Variants in NME7 observed in about 807,000 individuals in gnomAD.
NME7 encodes the protein NME/NM23 family member 7.
A neutral mutation model predicts 49.1 loss-of-function variants in NME7; 41 were observed. That is an observed-to-expected ratio of 0.83 (90% confidence interval 0.65 to 1.08). The LOEUF (loss-of-function observed/expected upper bound fraction) is 1.08. Among genes scored for constraint, NME7 ranks in the 50% least tolerant of loss-of-function variants. NME7 has a pLI of 0.00. For synonymous variants in NME7, 139 were observed against 150.6 expected, an observed-to-expected ratio of 0.92 and a Z score of 0.56; for missense variants, 423 against 463.4, an observed-to-expected ratio of 0.91 and a Z score of 0.80.
chr1:169,145,131 G>A (rs1557960700), intron 11 of NME7, among the ~76,000 whole-genome samples: 1 of 152,060 alleles, frequency 6.6e-6, no homozygotes, highest in Non-Finnish European at 1.5e-5. Context: ...CAAGTTAATG[G>A]GTAATGAGAA....
At chr1:169,239,846 C>T (rs1215787965) in intron 7 of NME7, among the ~76,000 whole-genome samples, 1 of 151,914 alleles carries the variant, frequency 6.6e-6, no homozygotes, top group Admixed American at 6.6e-5. Flanking sequence ...GTATCTTCAT[C>T]TTACTGAATA....
intron 10 of NME7, among the ~76,000 whole-genome samples, chr1:169,213,798 G>T (rs1330376160): frequency 2.7e-5 from 4 of 149,686 alleles, no homozygotes; most frequent in Non-Finnish European, 4.4e-5. Flanking sequence ...CAATAATCTT[G>T]GGAAAAAATA....
intron 10 of NME7, among the ~76,000 whole-genome samples, chr1:169,200,960 A>G (rs1374856421): frequency 1.3e-5 from 2 of 152,128 alleles, no homozygotes; most frequent in African/African-American, 4.8e-5. Context: ...CCTGGGTGCC[A>G]TGGCTCACAT....
At chr1:169,168,138 G>A (rs2101842052) in intron 11 of NME7, among the ~76,000 whole-genome samples, 2 of 152,308 alleles carry the variant, frequency 1.3e-5, no homozygotes, top group Middle Eastern at 3.4e-3. Context: ...GCAAGACCCT[G>A]GAGGTATGCC....
chr1:169,290,322 G>C (rs995610959), intron 6 of NME7, among the ~76,000 whole-genome samples: 1 of 151,976 alleles, frequency 6.6e-6, no homozygotes, highest in African/African-American at 2.4e-5. Context: ...AAACAGTATA[G>C]ATCAATGGAA....
chr1:169,229,792 C>T (rs1647519615), intron 10 of NME7, among the ~76,000 whole-genome samples: 1 of 152,032 alleles, frequency 6.6e-6, no homozygotes, highest in South Asian at 2.1e-4. Context: ...AAAACCCTGT[C>T]TCTACTAAAA....
At chr1:169,139,074 C>G (rs139606641) in intron 11 of NME7, among the ~76,000 whole-genome samples, 1 of 152,140 alleles carries the variant, frequency 6.6e-6, no homozygotes, top group African/African-American at 2.4e-5. Flanking sequence ...CTCCTCCCTA[C>G]CTGTAATGAT....
chr1:169,359,598 C>T (rs1653588118), intron 1 of NME7, among the ~76,000 whole-genome samples: 1 of 151,838 alleles, frequency 6.6e-6, no homozygotes, highest in African/African-American at 2.4e-5. Context: ...TATATTTTCT[C>T]ATTTCTAAAA....
intron 11 of NME7, among the ~76,000 whole-genome samples, chr1:169,167,286 A>G (rs1447667555): frequency 2.4e-4 from 36 of 152,182 alleles, no homozygotes; most frequent in Admixed American, 2.4e-3. Context: ...GAACATTTCA[A>G]TGTATGAAAA....
intron 11 of NME7, among the ~76,000 whole-genome samples, chr1:169,146,809 A>G (rs1379899875): frequency 6.6e-6 from 1 of 152,236 alleles, no homozygotes; most frequent in East Asian, 1.9e-4. Context: ...GGTGAACTAC[A>G]CAGAAACAAA....
intron 1 of NME7, among the ~76,000 whole-genome samples, chr1:169,330,043 T>C (rs181178919): frequency 2.0e-5 from 3 of 152,248 alleles, no homozygotes; most frequent in African/African-American, 7.2e-5. Context: ...ATTACATATT[T>C]AAAGTGGTGA....
At chr1:169,317,266 G>A (rs1234940788) in intron 3 of NME7, among the ~76,000 whole-genome samples, 2 of 152,336 alleles carry the variant, frequency 1.3e-5, no homozygotes, top group East Asian at 3.9e-4. Flanking sequence ...AGCTGGAGCT[G>A]AAAAGGAAAT....
intron 1 of NME7, among the ~76,000 whole-genome samples, chr1:169,342,946 T>A (rs1190869638): frequency 6.4e-5 from 2 of 31,180 alleles, no homozygotes; most frequent in African/African-American, 2.0e-4. Flanking sequence ...TATATATACT[T>A]GTATTAGTAT....
At chr1:169,334,467 A>T (rs1388367903) in intron 1 of NME7, among the ~76,000 whole-genome samples, 1 of 152,204 alleles carries the variant, frequency 6.6e-6, no homozygotes, top group Non-Finnish European at 1.5e-5. Flanking sequence ...TGGGGAAAGG[A>T]TCTCCTATTC....
chr1:169,306,824 G>A (rs1651189930), intron 4 of NME7, among the ~76,000 whole-genome samples: 1 of 152,122 alleles, frequency 6.6e-6, no homozygotes, highest in South Asian at 2.1e-4. Context: ...AGACTAGCCT[G>A]GGCAACAAAG....
chr1:169,297,079 T>C (rs1460453404), intron 6 of NME7, among the ~76,000 whole-genome samples: 2 of 151,984 alleles, frequency 1.3e-5, no homozygotes, highest in African/African-American at 2.4e-5. Flanking sequence ...GTTCAAGCAA[T>C]TCTCCCACCT....
rs1648909309 is a variant in NME7, at chr1:169,255,921, G to T, written c.755-18234C>A. 1.5e-5 allele frequency among the ~76,000 whole-genome samples: 2 copies of T among 133,478 alleles called. 1 individual carries two copies. The highest frequency in any genetic ancestry group is 3.5e-5 in the Non-Finnish European group (2 of 56,816). The allele number at this position is 133,478 out of a possible 152,430, so 87.6% of individuals were successfully genotyped here. A position where few individuals can be genotyped will look rare whatever the true frequency, so the allele number is the denominator to read the frequency against. ...CTCTCTTCTGGCTTGTAGGGTTTCT[G>T]CCGAGAGATCCACTGTTAGTCTGAT... On this transcript the variant is annotated intron_variant, in intron 7 of 11. Coordinates refer to ENST00000367811, the MANE Select transcript of NME7 (RefSeq NM_013330.5).
intron 10 of NME7, among the ~76,000 whole-genome samples, chr1:169,215,067 T>C (rs1339321866): frequency 1.3e-5 from 2 of 152,188 alleles, no homozygotes; most frequent in Non-Finnish European, 1.5e-5. Flanking sequence ...AATTGAAGGA[T>C]GGTGAATGCG....
At chr1:169,238,309 C>T (rs1285106001) in intron 7 of NME7, among the ~76,000 whole-genome samples, 1 of 151,966 alleles carries the variant, frequency 6.6e-6, no homozygotes, top group Non-Finnish European at 1.5e-5. Flanking sequence ...TGGATACCAA[C>T]ATGAGGAATA....
Sources: allele counts gnomAD v4.1 joint callset (sites outside exome capture counted in the v4.1 genomes callset), GRCh38; gene constraint gnomAD v4.1.1; transcripts MANE v1.5; gene names NCBI Gene and HGNC (gene_info 2026-07-23, HGNC 2026-07-21).